The following FOXP1 variants were observed in gnomAD, a reference collection of about 807,000 sequenced individuals.
FOXP1 encodes forkhead box protein P1.
Under a neutral mutation model 98.2 loss-of-function variants are expected in FOXP1, and 15 were observed. The ratio of observed to expected loss-of-function variants is 0.15; its 90% CI spans 0.10 to 0.24. The LOEUF is 0.24. Among genes scored for constraint, FOXP1 ranks in the 10% least tolerant of loss-of-function variants. The probability of loss-of-function intolerance (pLI) is 1.00; values close to 1 mark genes in which losing one functional copy is unlikely to be tolerated. For missense variants in FOXP1, 633 were observed against 848.5 expected, an observed-to-expected ratio of 0.75 and a Z score of 3.15; for synonymous variants, 371 against 314.5, an observed-to-expected ratio of 1.18 and a Z score of -1.90.
chr3:71,578,093 C>T (rs2047870076), intron 2 of FOXP1, among the ~76,000 whole-genome samples: 1 of 151,616 alleles, frequency 6.6e-6, no homozygotes, highest in Non-Finnish European at 1.5e-5. Flanking sequence ...AAATTAAAAA[C>T]AAAAATACCA....
chr3:71,122,941 C>G (rs2058885089), intron 6 of FOXP1, among the ~76,000 whole-genome samples: 2 of 152,254 alleles, frequency 1.3e-5, no homozygotes, highest in South Asian at 4.1e-4. Flanking sequence ...ACTGTGGGCC[C>G]TTTTGCCTCC....
intron 2 of FOXP1, among the ~76,000 whole-genome samples, chr3:71,502,979 A>AC (rs2041511740): frequency 4.3e-5 from 2 of 46,344 alleles, no homozygotes; most frequent in African/African-American, 1.3e-4. Flanking sequence ...CTTTACAATT[A>AC]GAAAAAAAAA....
At chr3:70,970,585 GC>G in intron 19 of FOXP1, 150 bp downstream of exon 19, 1 of 733,966 alleles carries the variant, frequency 1.4e-6, no homozygotes, top group Non-Finnish European at 2.5e-6. Flanking sequence ...CGATGTGTTT[GC>G]CTCCAGGGAG....
At chr3:71,120,149 T>C (rs766979043) in intron 6 of FOXP1, among the ~76,000 whole-genome samples, 7 of 152,316 alleles carry the variant, frequency 4.6e-5, no homozygotes, top group Non-Finnish European at 1.0e-4. Flanking sequence ...CAGGGGGTAA[T>C]GACCATTCAC....
At chr3:71,495,012 T>A (rs1262354704) in intron 2 of FOXP1, among the ~76,000 whole-genome samples, 1 of 152,240 alleles carries the variant, frequency 6.6e-6, no homozygotes, top group Non-Finnish European at 1.5e-5. Flanking sequence ...TGAATTTCTT[T>A]CCATGGCCTG....
At chr3:71,192,513 T>G (rs2063048530) in intron 6 of FOXP1, among the ~76,000 whole-genome samples, 1 of 152,224 alleles carries the variant, frequency 6.6e-6, no homozygotes, top group Non-Finnish European at 1.5e-5. Context: ...CAGAGGCAGT[T>G]AAAAAGCTGG....
intron 4 of FOXP1, among the ~76,000 whole-genome samples, chr3:71,342,368 C>A (rs1478491532): frequency 6.6e-6 from 1 of 152,076 alleles, no homozygotes; most frequent in Non-Finnish European, 1.5e-5. Flanking sequence ...AGTGAAAAAT[C>A]TGGATTATAA....
chr3:71,348,562 C>T (rs1236911463), intron 4 of FOXP1, among the ~76,000 whole-genome samples: 1 of 139,056 alleles, frequency 7.2e-6, no homozygotes, highest in Non-Finnish European at 1.6e-5. Flanking sequence ...TGCGCGCGCG[C>T]ACGCATATGC....
intron 6 of FOXP1, among the ~76,000 whole-genome samples, chr3:71,123,004 C>G (rs768296507): frequency 6.6e-6 from 1 of 152,092 alleles, no homozygotes; most frequent in Non-Finnish European, 1.5e-5. Flanking sequence ...CTTTAATCTC[C>G]CTTCTTTTCC....
chr3:71,324,114 T>G (rs2075548637), intron 4 of FOXP1, among the ~76,000 whole-genome samples: 1 of 152,050 alleles, frequency 6.6e-6, no homozygotes, highest in Non-Finnish European at 1.5e-5. Context: ...ATACTCTATG[T>G]TCCTGAGATT....
At chr3:71,097,768 T>C (rs1293862961) in intron 7 of FOXP1, among the ~76,000 whole-genome samples, 1 of 152,198 alleles carries the variant, frequency 6.6e-6, no homozygotes, top group Non-Finnish European at 1.5e-5. Context: ...GATTTCTTTG[T>C]AGAGCTCTAC....
At position 70,958,494 on chromosome 3, in the gene FOXP1, C is replaced by G; in HGVS notation, c.*753G>C. 1.6e-5 allele frequency: 6 copies of G among 382,168 alleles called. No individual in the cohort carries two copies. Among genetic ancestry groups the G allele is most frequent in the South Asian group, 1.4e-4 (5 of 35,300 alleles). 23.7% of individuals were successfully genotyped at this position (382,168 alleles called of 1,614,324 possible). Reference sequence around the variant, plus strand: ...GGAATGAGTGACAGAAAGCTACAAACGAGAAATGACATTCAGCTTTGTATA... The same window carrying G: ...GGAATGAGTGACAGAAAGCTACAAAGGAGAAATGACATTCAGCTTTGTATA... On this transcript the variant is annotated 3_prime_UTR_variant, in exon 21 of 21. Coordinates refer to ENST00000649528, the MANE Select transcript of FOXP1 (RefSeq NM_001349338.3).
At chr3:71,272,819 G>A (rs1576696393) in intron 5 of FOXP1, among the ~76,000 whole-genome samples, 1 of 152,102 alleles carries the variant, frequency 6.6e-6, no homozygotes, top group African/African-American at 2.4e-5. Context: ...CAGGATTGCT[G>A]CAGATACCTT....
intron 3 of FOXP1, among the ~76,000 whole-genome samples, chr3:71,383,713 G>A (rs1159411087): frequency 2.6e-5 from 4 of 152,196 alleles, no homozygotes; most frequent in African/African-American, 9.7e-5. Context: ...CACATCGCTT[G>A]AAACATGGAA....
At chr3:71,059,109 T>TTTTTTTTCAAAA (rs781241964) in intron 7 of FOXP1, among the ~76,000 whole-genome samples, 3 of 152,054 alleles carry the variant, frequency 2.0e-5, no homozygotes, top group Non-Finnish European at 2.9e-5. Context: ...CTATTAAAAA[T>TTTTTTTTCAAAA]TTTTTTTCAA....
intron 7 of FOXP1, among the ~76,000 whole-genome samples, chr3:71,079,836 TA>T (rs1356420284): frequency 2.0e-5 from 3 of 152,228 alleles, no homozygotes; most frequent in Non-Finnish European, 4.4e-5. Flanking sequence ...CGAGCTTACT[TA>T]ATCTTTATCA....
rs71120315 is a variant in FOXP1 at position 71,345,397 on chromosome 3, TACACACACACACACAC to T, written c.-73+13737_-73+13752del. On this transcript the variant is annotated intron_variant, in intron 4 of 20. Coordinates refer to ENST00000649528, the MANE Select transcript of FOXP1 (RefSeq NM_001349338.3). ...AGAGAGAATCTGTCTCAAATATATA[TACACACACACACACAC>T]ACACACACACACACACACACACACA... Among the ~76,000 whole-genome samples, 1,030 of 141,850 alleles carry T rather than the reference TACACACACACACACAC, an allele frequency of 7.3e-3. 37 individuals are homozygous for T. Among genetic ancestry groups the T allele is most frequent in the Non-Finnish European group, 4.3e-3 (285 of 66,362 alleles). 93.1% of individuals were successfully genotyped at this position (141,850 alleles called of 152,430 possible).
chr3:71,006,170 AC>A (rs2042782365), intron 12 of FOXP1, among the ~76,000 whole-genome samples: 1 of 152,114 alleles, frequency 6.6e-6, no homozygotes. Flanking sequence ...TTTTTAGGTC[AC>A]TGGGTTTTGA....
chr3:71,255,424 C>T (rs555305467), intron 5 of FOXP1, among the ~76,000 whole-genome samples: 1 of 152,270 alleles, frequency 6.6e-6, no homozygotes, highest in African/African-American at 2.4e-5. Flanking sequence ...AAATACCTAA[C>T]ATATATGTAT....
Sources: gnomAD v4.1 joint callset for allele counts (sites outside exome capture counted in the v4.1 genomes callset) on GRCh38, gnomAD v4.1.1 for gene constraint, MANE v1.5 for transcripts, NCBI Gene and HGNC (gene_info 2026-07-23, HGNC 2026-07-21) for gene names.